Variants in SPOCK1 observed in about 807,000 individuals in gnomAD.
SPOCK1 encodes SPARC (osteonectin), cwcv and kazal like domains proteoglycan 1.
SPOCK1 carries 23 observed loss-of-function variants against 55.3 expected under a neutral mutation model. That is an observed-to-expected ratio of 0.42 (90% confidence interval 0.30 to 0.59). The LOEUF (loss-of-function observed/expected upper bound fraction) is 0.59. Among genes scored for constraint, SPOCK1 ranks in the 20% least tolerant of loss-of-function variants. The pLI is 0.22. For synonymous variants in SPOCK1, 226 were observed against 221.0 expected, an observed-to-expected ratio of 1.02 and a Z score of -0.20; for missense variants, 499 against 552.5, an observed-to-expected ratio of 0.90 and a Z score of 0.97.
chr5:137,478,951 T>A (rs1443739333), intron 2 of SPOCK1, among the ~76,000 whole-genome samples: 1 of 151,946 alleles, frequency 6.6e-6, no homozygotes, highest in Non-Finnish European at 1.5e-5. Context: ...ATCTCTACCA[T>A]TACTCCACAC....
At chr5:137,364,205 T>C (rs941618012) in intron 2 of SPOCK1, among the ~76,000 whole-genome samples, 2 of 152,186 alleles carry the variant, frequency 1.3e-5, no homozygotes, top group Non-Finnish European at 2.9e-5. Context: ...GGACAGAGGT[T>C]AAATACCGAG....
intron 3 of SPOCK1, among the ~76,000 whole-genome samples, chr5:137,234,223 G>A (rs1756129237): frequency 6.6e-6 from 1 of 152,190 alleles, no homozygotes; most frequent in African/African-American, 2.4e-5. Context: ...CTCAGTAGAG[G>A]ACAGGATTCT....
At chr5:137,002,634 AT>A (rs1226056099) in intron 6 of SPOCK1, among the ~76,000 whole-genome samples, 5 of 152,200 alleles carry the variant, frequency 3.3e-5, no homozygotes, top group Non-Finnish European at 2.9e-5. Flanking sequence ...TTACTGAAGG[AT>A]TTCATGGCCA....
chr5:137,151,501 G>A (rs1248098864), intron 3 of SPOCK1, among the ~76,000 whole-genome samples: 1 of 152,184 alleles, frequency 6.6e-6, no homozygotes, highest in Admixed American at 6.5e-5. Context: ...CAAGTTTAAA[G>A]GGTCCTAGAA....
At chr5:137,242,338 A>G (rs1372868763) in intron 3 of SPOCK1, among the ~76,000 whole-genome samples, 1 of 152,156 alleles carries the variant, frequency 6.6e-6, no homozygotes, top group Non-Finnish European at 1.5e-5. Context: ...CATGATGGTG[A>G]ATAAGTCTCA....
intron 2 of SPOCK1, among the ~76,000 whole-genome samples, chr5:137,296,214 T>G (rs1226389641): frequency 6.6e-6 from 1 of 152,218 alleles, no homozygotes; most frequent in Non-Finnish European, 1.5e-5. Context: ...TAAGTATCTG[T>G]TGTTTACAAG....
rs149444669 is a variant in SPOCK1, at chr5:137,218,876, C to T, written c.232+48134G>A. Among the ~76,000 whole-genome samples the T allele has an allele frequency of 7.4e-3, 1,124 of 152,176 alleles. 16 individuals carry two copies. Among genetic ancestry groups the T allele is most frequent in the African/African-American group, 0.026 (1,068 of 41,522 alleles). On this transcript the variant is annotated intron_variant, in intron 3 of 10. Coordinates refer to ENST00000394945, the MANE Select transcript of SPOCK1 (RefSeq NM_004598.4). The stretch of plus-strand genomic sequence containing the variant: ...TAGCTGCCAGGTACCTGGGCAGAGG[C>T]GGCATGGTGATATGAAAGAAAATCA...
intron 2 of SPOCK1, among the ~76,000 whole-genome samples, chr5:137,426,571 G>A (rs1432828836): frequency 6.6e-6 from 1 of 152,154 alleles, no homozygotes; most frequent in Admixed American, 6.5e-5. Flanking sequence ...TCTATGGAAC[G>A]AATGTGGATC....
intron 2 of SPOCK1, among the ~76,000 whole-genome samples, chr5:137,338,156 C>T (rs1038069104): frequency 2.0e-5 from 3 of 152,018 alleles, no homozygotes; most frequent in South Asian, 2.1e-4. Context: ...TCTCCTAATG[C>T]TATCCCTTCC....
At chr5:137,482,574 C>A (rs1753971665) in intron 2 of SPOCK1, among the ~76,000 whole-genome samples, 1 of 152,094 alleles carries the variant, frequency 6.6e-6, no homozygotes, top group Non-Finnish European at 1.5e-5. Flanking sequence ...TGCCTCAAAC[C>A]GACCAAACGG....
chr5:137,417,690 T>C (rs974928049), intron 2 of SPOCK1, among the ~76,000 whole-genome samples: 12 of 152,190 alleles, frequency 7.9e-5, no homozygotes, highest in African/African-American at 2.7e-4. Flanking sequence ...CTATTACCAA[T>C]AGTTTGTTCT....
chr5:137,199,170 C>G (rs1755361735), intron 3 of SPOCK1, among the ~76,000 whole-genome samples: 1 of 152,050 alleles, frequency 6.6e-6, no homozygotes, highest in African/African-American at 2.4e-5. Flanking sequence ...ACATTGTGAC[C>G]CAGGAGAACA....
chr5:137,335,930 T>TC (rs1163275536), intron 2 of SPOCK1, among the ~76,000 whole-genome samples: 2 of 152,300 alleles, frequency 1.3e-5, no homozygotes, highest in South Asian at 2.1e-4. Context: ...CTTCTTTTTT[T>TC]CCCCTGTGAG....
intron 2 of SPOCK1, among the ~76,000 whole-genome samples, chr5:137,289,950 C>T (rs1326915270): frequency 2.6e-5 from 4 of 152,072 alleles, no homozygotes; most frequent in Non-Finnish European, 5.9e-5. Context: ...CCATACCGAG[C>T]ATAAGAAAAG....
At chr5:137,294,184 C>T (rs921304474) in intron 2 of SPOCK1, among the ~76,000 whole-genome samples, 4 of 152,016 alleles carry the variant, frequency 2.6e-5, no homozygotes, top group African/African-American at 9.7e-5. Flanking sequence ...GCTTCTTTAT[C>T]GAACCATATG....
chr5:137,434,404 T>C (rs1353307662), intron 2 of SPOCK1, among the ~76,000 whole-genome samples: 2 of 151,658 alleles, frequency 1.3e-5, no homozygotes, highest in Non-Finnish European at 2.9e-5. Context: ...TCAAACTATA[T>C]TAGATCTCAA....
chr5:137,424,222 A>G (rs537821786), intron 2 of SPOCK1, among the ~76,000 whole-genome samples: 4 of 152,290 alleles, frequency 2.6e-5, no homozygotes, highest in African/African-American at 9.6e-5. Context: ...CTCTAAAAAA[A>G]ACTTTTAAAT....
At chr5:137,350,148 G>T (rs752461718) in intron 2 of SPOCK1, among the ~76,000 whole-genome samples, 25 of 152,130 alleles carry the variant, frequency 1.6e-4, no homozygotes, top group Non-Finnish European at 3.2e-4. Context: ...GGATGGCATT[G>T]CTGAAGCCAC....
intron 2 of SPOCK1, among the ~76,000 whole-genome samples, chr5:137,470,914 T>C (rs1304098324): frequency 6.6e-6 from 1 of 152,166 alleles, no homozygotes. Context: ...TCATCCAACC[T>C]TGGGCAACAT....
Sources: gnomAD v4.1 joint callset for allele counts (sites outside exome capture counted in the v4.1 genomes callset) on GRCh38, gnomAD v4.1.1 for gene constraint, MANE v1.5 for transcripts, NCBI Gene and HGNC (gene_info 2026-07-23, HGNC 2026-07-21) for gene names.